PRRC2B: variants seen among roughly 807,000 people sequenced by gnomAD.
PRRC2B encodes protein PRRC2B.
PRRC2B carries 68 observed loss-of-function variants against 242.3 expected under a neutral mutation model. The observed-to-expected ratio is 0.28, with a 90% confidence interval of 0.23 to 0.34. The LOEUF (loss-of-function observed/expected upper bound fraction) is 0.34. Among genes scored for constraint, PRRC2B ranks in the 10% least tolerant of loss-of-function variants. The pLI is 1.00. For missense variants in PRRC2B, 2,835 were observed against 2,954.8 expected, an observed-to-expected ratio of 0.96 and a Z score of 0.94; for synonymous variants, 1,228 against 1,173.6, an observed-to-expected ratio of 1.05 and a Z score of -0.95.
chr9:131,483,224 T>A, intron 22 of PRRC2B, 135 bp from the exon 23 acceptor site: 1 of 849,754 alleles, frequency 1.2e-6, no homozygotes, highest in Non-Finnish European at 1.9e-6. Flanking sequence ...GCCATCTCGC[T>A]CATATGTGGC....
At chr9:131,435,150 T>C (rs577311672) in intron 3 of PRRC2B, among the ~76,000 whole-genome samples, 2 of 151,372 alleles carry the variant, frequency 1.3e-5, no homozygotes, top group East Asian at 1.9e-4. Flanking sequence ...ATACAAAAAT[T>C]AGCTGGGCGT....
At chr9:131,438,550 T>C (rs1332413764) in intron 4 of PRRC2B, among the ~76,000 whole-genome samples, 2 of 152,140 alleles carry the variant, frequency 1.3e-5, no homozygotes, top group Non-Finnish European at 2.9e-5. Context: ...ATGTTGGCCT[T>C]CTTTGTTCAC....
At chr9:131,427,062 C>T (rs747919591) in intron 1 of PRRC2B, among the ~76,000 whole-genome samples, 8 of 152,184 alleles carry the variant, frequency 5.3e-5, no homozygotes, top group Non-Finnish European at 1.0e-4. Context: ...TCACACAGAT[C>T]GGACGTAGGA....
chr9:131,386,197 C>T (rs924532225), intron 1 of PRRC2B, among the ~76,000 whole-genome samples: 3 of 150,056 alleles, frequency 2.0e-5, no homozygotes, highest in South Asian at 2.1e-4. Context: ...ACTGCAGCCT[C>T]GACTTCCTGG....
intron 4 of PRRC2B, among the ~76,000 whole-genome samples, chr9:131,437,305 A>G (rs898608569): frequency 6.6e-6 from 1 of 152,234 alleles, no homozygotes; most frequent in Non-Finnish European, 1.5e-5. Flanking sequence ...TGTCTCTCAG[A>G]ACACGCTTTG....
rs575490253 is a variant in PRRC2B, at chr9:131,476,342, C to G, written c.4213C>G (p.Leu1405Val). ...SEPDSQVDGG[L>V]SGASLGEKKE... ...GCCCGACTCCCAGGTGGATGGTGGC[C>G]TGTCGGGGGCTAGTTTGGGTGAGAA... The change falls in exon 16 of 32, where the codon CTG becomes GTG. Residue 1405 changes from leucine to valine, a missense_variant. Coordinates refer to ENST00000683519, the MANE Select transcript of PRRC2B (RefSeq NM_013318.4). 1 of 1,586,894 alleles carries G rather than the reference C, an allele frequency of 6.3e-7. No homozygotes were observed. Among genetic ancestry groups the G allele is most frequent in the African/African-American group, 1.3e-5 (1 of 74,424 alleles).
intron 1 of PRRC2B, among the ~76,000 whole-genome samples, chr9:131,420,493 CT>C (rs146073511): frequency 9.9e-5 from 3 of 30,178 alleles, no homozygotes; most frequent in Non-Finnish European, 1.9e-4. Flanking sequence ...TTCTTTCTTT[CT>C]TTTTTTTTTT....
chr9:131,472,471 ATTTTTT>A (rs749051569), intron 14 of PRRC2B, among the ~76,000 whole-genome samples: 1 of 91,522 alleles, frequency 1.1e-5, no homozygotes, highest in African/African-American at 4.6e-5. Context: ...CGCCCAGCTA[ATTTTTT>A]TTTTTTTTTT....
At chr9:131,460,391 C>T (rs1466934966) in intron 11 of PRRC2B, among the ~76,000 whole-genome samples, 9 of 152,138 alleles carry the variant, frequency 5.9e-5, no homozygotes, top group African/African-American at 2.2e-4. Flanking sequence ...TTGGGTTTAT[C>T]ATCATCTTTC....
At chr9:131,397,387 A>T (rs1837092147) in intron 1 of PRRC2B, among the ~76,000 whole-genome samples, 1 of 152,104 alleles carries the variant, frequency 6.6e-6, no homozygotes, top group African/African-American at 2.4e-5. Flanking sequence ...ACCTCGGGAG[A>T]GTGGAATTTC....
At chr9:131,448,110 C>A in intron 9 of PRRC2B, 1 of 250,584 alleles carries the variant, frequency 4.0e-6, no homozygotes, top group Non-Finnish European at 7.6e-6. Context: ...AACCACTGAT[C>A]ACTCAGGTTC....
intron 15 of PRRC2B, 135 bp downstream of exon 15, chr9:131,473,859 T>A (rs2131443267): frequency 1.5e-6 from 1 of 650,166 alleles, no homozygotes; most frequent in Non-Finnish European, 2.7e-6. Flanking sequence ...GACTCCTGGT[T>A]CCTCTGGGGA....
intron 1 of PRRC2B, among the ~76,000 whole-genome samples, chr9:131,398,422 A>G (rs1488101961): frequency 6.6e-6 from 1 of 152,234 alleles, no homozygotes; most frequent in Admixed American, 6.5e-5. Context: ...TGCGTGCAGC[A>G]GGAGTAGCTG....
At chr9:131,399,276 C>CA (rs72492020) in intron 1 of PRRC2B, among the ~76,000 whole-genome samples, 5,221 of 44,096 alleles carry the variant, frequency 0.12, 402 homozygotes, top group East Asian at 0.31. Flanking sequence ...AATTCTGTCT[C>CA]AAAAAAAAAA....
chr9:131,420,503 T>TCTTCCTTTCTTCCTTTCTTCC (rs1465337298), intron 1 of PRRC2B, among the ~76,000 whole-genome samples: 1 of 93,814 alleles, frequency 1.1e-5, no homozygotes, highest in African/African-American at 4.3e-5. Context: ...CTTTTTTTTT[T>TCTTCCTTTCTTCCTTTCTTCC]TTTTTTTGAG....
chr9:131,457,658 T>G (rs1481051520), intron 10 of PRRC2B, among the ~76,000 whole-genome samples: 1 of 152,154 alleles, frequency 6.6e-6, no homozygotes, highest in Non-Finnish European at 1.5e-5. Context: ...CCTCCTCCTT[T>G]TCCAGACCAT....
intron 24 of PRRC2B, 29 bp from the exon 25 acceptor site, chr9:131,484,919 C>G: frequency 2.5e-6 from 4 of 1,592,660 alleles, no homozygotes; most frequent in Non-Finnish European, 3.4e-6. Flanking sequence ...TAGTAATTTT[C>G]ATCCCTCCCC....
At chr9:131,379,624 A>ATTTT (rs34113422) in intron 1 of PRRC2B, among the ~76,000 whole-genome samples, 1 of 128,004 alleles carries the variant, frequency 7.8e-6, no homozygotes, top group Admixed American at 8.4e-5. Context: ...TCCTTGGTCC[A>ATTTT]TTTTTTTTTT....
At chr9:131,398,075 G>A (rs1444517557) in intron 1 of PRRC2B, among the ~76,000 whole-genome samples, 6 of 152,194 alleles carry the variant, frequency 3.9e-5, no homozygotes, top group Admixed American at 3.9e-4. Flanking sequence ...AGATGGGAGC[G>A]ACATGGGATA....
Sources: allele counts gnomAD v4.1 joint callset (sites outside exome capture counted in the v4.1 genomes callset), GRCh38; gene constraint gnomAD v4.1.1; transcripts MANE v1.5; gene names NCBI Gene and HGNC (gene_info 2026-07-23, HGNC 2026-07-21).